PDE7B: variants seen among roughly 807,000 people sequenced by gnomAD.
PDE7B encodes 3',5'-cyclic-AMP phosphodiesterase 7B.
A neutral mutation model predicts 56.2 loss-of-function variants in PDE7B; 29 were observed. The ratio of observed to expected loss-of-function variants is 0.52; its 90% CI spans 0.38 to 0.70. The LOEUF (loss-of-function observed/expected upper bound fraction) is 0.70, where lower values mean the gene tolerates loss of function less well. Among genes scored for constraint, PDE7B ranks in the 30% least tolerant of loss-of-function variants. The pLI is 0.00. For missense variants in PDE7B, 490 were observed against 565.0 expected (o/e 0.87, Z 1.35); for synonymous variants, 197 against 196.9 (o/e 1.00, Z 0.00).
At chr6:136,113,027 TATTTAA>T (rs1164626524) in intron 3 of PDE7B, among the ~76,000 whole-genome samples, 2 of 152,134 alleles carry the variant, frequency 1.3e-5, no homozygotes, top group East Asian at 3.9e-4. Context: ...CAAAAAAGAG[TATTTAA>T]ATTTAATGTT....
At chr6:135,986,023 G>A (rs546156992) in intron 2 of PDE7B, among the ~76,000 whole-genome samples, 143 of 152,324 alleles carry the variant, frequency 9.4e-4, no homozygotes, top group African/African-American at 3.3e-3. Context: ...TCCAGCAGAG[G>A]TTCAGCCTGT....
At chr6:136,004,025 C>T (rs1775725250) in intron 2 of PDE7B, among the ~76,000 whole-genome samples, 1 of 152,008 alleles carries the variant, frequency 6.6e-6, no homozygotes, top group Admixed American at 6.6e-5. Flanking sequence ...GGCTTCATCC[C>T]TGGGATGCAA....
intron 4 of PDE7B, among the ~76,000 whole-genome samples, chr6:136,148,334 G>T (rs973882418): frequency 1.0e-4 from 15 of 150,634 alleles, no homozygotes; most frequent in Non-Finnish European, 2.1e-4. Flanking sequence ...CCAGCCTGGG[G>T]TACAGAGTGA....
At chr6:136,166,567 AGAGT>A (rs1336944020) in intron 8 of PDE7B, among the ~76,000 whole-genome samples, 1 of 152,132 alleles carries the variant, frequency 6.6e-6, no homozygotes. Flanking sequence ...AGCAAGAGAG[AGAGT>A]GAGGGCAAGG....
chr6:136,174,366 A>G (rs1778943964), intron 9 of PDE7B, among the ~76,000 whole-genome samples: 1 of 152,206 alleles, frequency 6.6e-6, no homozygotes, highest in African/African-American at 2.4e-5. Flanking sequence ...TAAGTAATTG[A>G]AATGGCCCTA....
In PDE7B at chr6:135,922,074, A is replaced by G. The variant is rs568013689; in HGVS notation, c.22-25390A>G. 1.1e-4 allele frequency among the ~76,000 whole-genome samples: 17 copies of G among 152,274 alleles called. No individual in the cohort carries two copies. In the Middle Eastern group the frequency reaches 0.014, roughly 122 times the overall value. On this transcript the variant is annotated intron_variant, in intron 1 of 12. Coordinates refer to ENST00000308191, the MANE Select transcript of PDE7B (RefSeq NM_018945.4). ...AATAAATCTTGGGGATTTACCTTAG[A>G]GATTGCATAAGGTCAATCTTGCATC... is the stretch of plus-strand genomic sequence containing the variant.
intron 2 of PDE7B, among the ~76,000 whole-genome samples, chr6:135,987,842 TAC>T (rs1166188036): frequency 7.1e-6 from 1 of 140,700 alleles, no homozygotes; most frequent in Non-Finnish European, 1.5e-5. Context: ...CACACACACA[TAC>T]ACACACACAC....
intron 1 of PDE7B, among the ~76,000 whole-genome samples, chr6:135,905,882 G>A (rs1258068159): frequency 6.6e-6 from 1 of 152,164 alleles, no homozygotes; most frequent in Non-Finnish European, 1.5e-5. Flanking sequence ...CACAGGCATC[G>A]TTTTGCTGGA....
intron 2 of PDE7B, among the ~76,000 whole-genome samples, chr6:136,108,474 G>A (rs1777690425): frequency 1.3e-5 from 2 of 152,078 alleles, no homozygotes; most frequent in South Asian, 4.2e-4. Context: ...TCTTTTTATG[G>A]AAATTTGTAA....
intron 2 of PDE7B, among the ~76,000 whole-genome samples, chr6:135,951,401 A>G (rs1471243681): frequency 6.6e-6 from 1 of 152,174 alleles, no homozygotes; most frequent in Non-Finnish European, 1.5e-5. Flanking sequence ...TAATTAATGC[A>G]TGAAGTATGG....
chr6:136,093,055 T>C (rs753224229), intron 2 of PDE7B, among the ~76,000 whole-genome samples: 2 of 152,206 alleles, frequency 1.3e-5, no homozygotes, highest in Non-Finnish European at 2.9e-5. Flanking sequence ...TCGTATACCA[T>C]AAACAGATAT....
chr6:135,933,274 G>GT (rs1477000032), intron 1 of PDE7B, among the ~76,000 whole-genome samples: 1 of 152,142 alleles, frequency 6.6e-6, no homozygotes, highest in Admixed American at 6.5e-5. Context: ...TGTTTACTTT[G>GT]TGTGTACACA....
At chr6:136,147,539 T>C in intron 4 of PDE7B, 37 bp downstream of exon 4, 2 of 1,593,256 alleles carry the variant, frequency 1.3e-6, no homozygotes, top group African/African-American at 2.7e-5. Context: ...AGCAGGCCAG[T>C]GGCCAAGAGC....
At chr6:136,186,375 C>A (rs1324787103) in intron 11 of PDE7B, among the ~76,000 whole-genome samples, 1 of 152,072 alleles carries the variant, frequency 6.6e-6, no homozygotes, top group Non-Finnish European at 1.5e-5. Flanking sequence ...CTGCAGTGAG[C>A]CAAGATCATG....
rs374006767 is a variant in PDE7B, at chr6:136,081,598, G to A, written c.83-27133G>A. The stretch of plus-strand genomic sequence containing the variant: ...ATTATTCTAGAAAGCCTTGCCTCTC[G>A]CATTAGTGTTCTGTTTTCTAGACTT... On this transcript the variant is annotated intron_variant, in intron 2 of 12. Coordinates refer to ENST00000308191, the MANE Select transcript of PDE7B (RefSeq NM_018945.4). Among the ~76,000 whole-genome samples, 19 of 152,232 alleles carry A rather than the reference G, an allele frequency of 1.2e-4. 2 individuals carry two copies. The East Asian group carries it at 1.5e-3, about 12-fold the overall frequency.
At chr6:135,906,721 A>G (rs1483351654) in intron 1 of PDE7B, among the ~76,000 whole-genome samples, 2 of 150,836 alleles carry the variant, frequency 1.3e-5, no homozygotes, top group Non-Finnish European at 3.0e-5. Context: ...ACGTACTTAT[A>G]TAGTGTCCTG....
chr6:136,116,641 A>G (rs1218484588), intron 3 of PDE7B, among the ~76,000 whole-genome samples: 1 of 152,224 alleles, frequency 6.6e-6, no homozygotes, highest in Non-Finnish European at 1.5e-5. Context: ...AGGATGAGTT[A>G]GGGGAAAGAT....
intron 1 of PDE7B, among the ~76,000 whole-genome samples, chr6:135,894,260 A>G (rs1227024384): frequency 6.6e-6 from 1 of 152,178 alleles, no homozygotes; most frequent in Non-Finnish European, 1.5e-5. Context: ...TCTATCTCAA[A>G]CATAGCATTT....
At chr6:136,151,912 C>G (rs1361339128) in intron 6 of PDE7B, among the ~76,000 whole-genome samples, 2 of 151,874 alleles carry the variant, frequency 1.3e-5, no homozygotes, top group African/African-American at 2.4e-5. Flanking sequence ...TGCACTCCAG[C>G]CTGGGCGACA....
Sources: allele counts gnomAD v4.1 joint callset (sites outside exome capture counted in the v4.1 genomes callset), GRCh38; gene constraint gnomAD v4.1.1; transcripts MANE v1.5; gene names NCBI Gene and HGNC (gene_info 2026-07-23, HGNC 2026-07-21).